The following GP6 variants were observed in gnomAD, a reference collection of about 807,000 sequenced individuals.
GP6 encodes the protein glycoprotein VI platelet.
GP6 carries 45 observed loss-of-function variants against 37.3 expected under a neutral mutation model. That is an observed-to-expected ratio of 1.21 (90% CI 0.95 to 1.55). GP6 has a LOEUF of 1.55. GP6 is among the 40% of genes most tolerant of loss of function. The pLI is 0.00. For missense variants in GP6, 813 were observed against 760.2 expected, an observed-to-expected ratio of 1.07 and a Z score of -0.82; for synonymous variants, 340 against 316.4, an observed-to-expected ratio of 1.07 and a Z score of -0.79.
At position 55,014,528 on chromosome 19, in the gene GP6, G is replaced by A. The variant is rs969568795; in HGVS notation, c.1417C>T (p.Pro473Ser). ...CACAGAGGGCCAAAGGGAAGCACGG[G>A]AGGATTTTGCACAGAGGATGGAACA... is the stretch of plus-strand genomic sequence containing the variant. Residue 473 changes from proline to serine, a missense_variant, in exon 8 of 8, where the codon CCC (proline) becomes TCC (serine). Physicochemically the swap from Pro to Ser is moderately conservative, Grantham distance 74. Transcript: ENST00000310373. 6 of 1,613,914 alleles carry A rather than the reference G, an allele frequency of 3.7e-6. No homozygotes were observed. The highest frequency in any genetic ancestry group is 1.3e-5 in the African/African-American group (1 of 75,058).
intron 1 of GP6, among the ~76,000 whole-genome samples, chr19:55,033,784 A>G (rs187991654): frequency 1.3e-5 from 2 of 152,304 alleles, no homozygotes; most frequent in African/African-American, 4.8e-5. Context: ...AATGGGATGC[A>G]TTGGGCTCCA....
chr19:55,035,609 T>C (rs2074799993), intron 1 of GP6, among the ~76,000 whole-genome samples: 3 of 150,948 alleles, frequency 2.0e-5, no homozygotes, highest in South Asian at 2.1e-4. Flanking sequence ...CCCAGCTACT[T>C]GGGAGGCTGA....
chr19:55,029,360 A>G (rs1568629065), intron 3 of GP6, among the ~76,000 whole-genome samples: 1 of 2,550 alleles, frequency 3.9e-4, no homozygotes, highest in Non-Finnish European at 6.3e-4. Context: ...ATATATATAT[A>G]TATATATATA....
rs929858387 is a variant in GP6 at position 55,034,101 on chromosome 19, CGT to C, written c.35-1565_35-1564del. Among the ~76,000 whole-genome samples, 31 of 150,222 alleles carry C rather than the reference CGT, an allele frequency of 2.1e-4. No individual in the cohort carries two copies. In the South Asian group the frequency reaches 2.5e-3, roughly 12 times the overall value. ...ACATACATGTGTATGTACATATACA[CGT>C]GTGTACATACACACGTGTATATGTA... On this transcript the variant is annotated intron_variant, in intron 1 of 7. Transcript: ENST00000310373.
At chr19:55,018,924 G>A (rs935617863) in intron 5 of GP6, 18 of 610,564 alleles carry the variant, frequency 2.9e-5, no homozygotes, top group Non-Finnish European at 4.7e-5. Context: ...ATAGACACTT[G>A]GTTTTTTTTC....
chr19:55,017,273 C>T (rs977262980), intron 6 of GP6, among the ~76,000 whole-genome samples: 9 of 151,964 alleles, frequency 5.9e-5, no homozygotes, highest in Admixed American at 3.9e-4. Flanking sequence ...CCCACCACCA[C>T]GCCCGGCTAA....
intron 2 of GP6, 42 bp from the exon 3 acceptor site, chr19:55,032,438 C>A: frequency 6.2e-7 from 1 of 1,611,792 alleles, no homozygotes; most frequent in East Asian, 2.2e-5. Flanking sequence ...CCGCAGACCC[C>A]GCCTGGACCC....
In GP6 at chr19:55,025,239, C is replaced by T. The variant is rs555734027; in HGVS notation, c.643G>A (p.Glu215Lys). ...CTACCTGCTACCGGGGAAGGTGGTT[C>T]TGTTGGTAACCGGCTGGGGGTCACA... Residue 215 changes from glutamate (E) to lysine (K), a missense_variant, in exon 5 of 8, where the codon GAA becomes AAA. Transcript: ENST00000310373. 5.2e-5 allele frequency: 81 copies of T among 1,548,072 alleles called. No individual in the cohort carries two copies. The East Asian group carries it at 1.9e-3, about 37-fold the overall frequency.
chr19:55,021,363 CAA>C (rs71181728), intron 5 of GP6, among the ~76,000 whole-genome samples: 52,973 of 141,932 alleles, frequency 0.37, 10,388 homozygotes, highest in Middle Eastern at 0.47. Flanking sequence ...TACTACATCT[CAA>C]AAAAAAAAAA....
chr19:55,034,109 C>T (rs2074721173), intron 1 of GP6, among the ~76,000 whole-genome samples: 1 of 144,818 alleles, frequency 6.9e-6, no homozygotes, highest in Non-Finnish European at 1.5e-5. Flanking sequence ...CACGTGTGTA[C>T]ATACACACGT....
chr19:55,034,199 T>C (rs1196615360), intron 1 of GP6, among the ~76,000 whole-genome samples: 1 of 151,600 alleles, frequency 6.6e-6, no homozygotes, highest in African/African-American at 2.4e-5. Flanking sequence ...TACAAATACA[T>C]GTACATAAGC....
At chr19:55,035,124 C>T (rs1394985793) in intron 1 of GP6, among the ~76,000 whole-genome samples, 1 of 152,168 alleles carries the variant, frequency 6.6e-6, no homozygotes. Context: ...CATTATCAGT[C>T]CCCTCTTATA....
At chr19:55,023,338 AAT>A (rs1555798145) in intron 5 of GP6, among the ~76,000 whole-genome samples, 11 of 152,194 alleles carry the variant, frequency 7.2e-5, no homozygotes, top group Admixed American at 6.6e-4. Flanking sequence ...ATACAGTTTG[AAT>A]ATGTGTTCCC....
At position 55,033,195 on chromosome 19, in the gene GP6, C is replaced by T. The variant is rs1192731385; in HGVS notation, c.35-657G>A. Among the ~76,000 whole-genome samples, 19 of 62,142 alleles carry T rather than the reference C, an allele frequency of 3.1e-4. 1 individual carries two copies. In the South Asian group the frequency reaches 9.3e-3, roughly 30 times the overall value. The allele number at this position is 62,142 out of a possible 152,430, so 40.8% of individuals were successfully genotyped here. On this transcript the variant is annotated intron_variant, in intron 1 of 7. Transcript: ENST00000310373. ...GTTCGTTCGTGTTAGACGCGGTGGA[C>T]TCCTTCGTGTTGTGTTAGACACGGT...
intron 7 of GP6, 64 bp downstream of exon 7, chr19:55,015,615 CAAAG>C (rs1300265480): frequency 7.4e-6 from 7 of 948,718 alleles, no homozygotes; most frequent in Non-Finnish European, 1.2e-5. Context: ...CCTGCGTAGA[CAAAG>C]GAGTTGGCTT....
chr19:55,032,012 G>T, intron 3 of GP6, 127 bp downstream of exon 3: 3 of 883,656 alleles, frequency 3.4e-6, no homozygotes, highest in Non-Finnish European at 5.4e-6. Context: ...CATAAATGTC[G>T]TGGCACCACC....
At chr19:55,032,726 C>T in intron 1 of GP6, 188 bp from the exon 2 acceptor site, 1 of 694,492 alleles carries the variant, frequency 1.4e-6, no homozygotes, top group Non-Finnish European at 2.6e-6. Flanking sequence ...TTTATGAGGT[C>T]ATTTACATGA....
intron 4 of GP6, among the ~76,000 whole-genome samples, chr19:55,026,432 G>A (rs558039752): frequency 4.8e-5 from 5 of 103,648 alleles, no homozygotes; most frequent in African/African-American, 1.2e-4. Context: ...GAATCATACA[G>A]TAGTTGTCCT....
chr19:55,035,682 G>A (rs111687779), intron 1 of GP6, among the ~76,000 whole-genome samples: 4,979 of 150,282 alleles, frequency 0.033, 83 homozygotes, highest in African/African-American at 0.039. Context: ...ATGCCACTGC[G>A]CTCCAGTCTG....
Sources: gnomAD v4.1 joint callset for allele counts (sites outside exome capture counted in the v4.1 genomes callset) on GRCh38, gnomAD v4.1.1 for gene constraint, MANE v1.5 for transcripts, NCBI Gene and HGNC (gene_info 2026-07-23, HGNC 2026-07-21) for gene names.